The following FAXC variants were observed in gnomAD, a reference collection of about 807,000 sequenced individuals.
FAXC encodes failed axon connections homolog, metaxin like GST domain containing, also known as failed axon connections homolog.
A neutral mutation model predicts 41.9 loss-of-function variants in FAXC; 10 were observed. That is an observed-to-expected ratio of 0.24 (90% CI 0.15 to 0.41). The LOEUF is 0.41. Ranked by LOEUF, FAXC falls within the 10% of genes least tolerant of loss-of-function variation. FAXC has a pLI of 1.00. For missense variants in FAXC, 399 were observed against 510.9 expected, an observed-to-expected ratio of 0.78 and a Z score of 2.11; for synonymous variants, 183 against 183.8, an observed-to-expected ratio of 1.00 and a Z score of 0.03.
intron 5 of FAXC, among the ~76,000 whole-genome samples, chr6:99,283,767 A>C (rs1481306869): frequency 2.6e-5 from 4 of 152,276 alleles, no homozygotes; most frequent in Non-Finnish European, 5.9e-5. Context: ...AAAAATATCT[A>C]ATTGGGGAGG....
At chr6:99,335,782 A>G (rs975873532) in intron 2 of FAXC, among the ~76,000 whole-genome samples, 15 of 152,152 alleles carry the variant, frequency 9.9e-5, no homozygotes, top group African/African-American at 3.4e-4. Flanking sequence ...CCAATTATCT[A>G]TTTCTAACAA....
intron 1 of FAXC, 78 bp downstream of exon 1, chr6:99,349,029 G>C: frequency 2.2e-6 from 3 of 1,394,156 alleles, no homozygotes; most frequent in Non-Finnish European, 3.0e-6. Flanking sequence ...GGGCTGGCAC[G>C]GGCCCCTCTC....
At chr6:99,310,425 G>A (rs774513381) in intron 4 of FAXC, among the ~76,000 whole-genome samples, 1 of 152,268 alleles carries the variant, frequency 6.6e-6, no homozygotes, top group Non-Finnish European at 1.5e-5. Context: ...CCCTTTCCCA[G>A]AGGCTGAATT....
At chr6:99,282,545 G>A (rs772571321) in intron 5 of FAXC, among the ~76,000 whole-genome samples, 3 of 152,152 alleles carry the variant, frequency 2.0e-5, no homozygotes, top group Non-Finnish European at 4.4e-5. Context: ...AAGAACTCTT[G>A]TGTTAAGTCA....
chr6:99,319,273 C>A (rs2049199462), intron 4 of FAXC, among the ~76,000 whole-genome samples: 1 of 152,192 alleles, frequency 6.6e-6, no homozygotes, highest in Admixed American at 6.5e-5. Flanking sequence ...GTGGCGGGCG[C>A]CTGTAGTCCC....
intron 4 of FAXC, among the ~76,000 whole-genome samples, chr6:99,293,008 T>C (rs903891272): frequency 6.6e-6 from 1 of 152,204 alleles, no homozygotes; most frequent in African/African-American, 2.4e-5. Context: ...GGTTTCGCCA[T>C]GTTGGCCATG....
intron 4 of FAXC, among the ~76,000 whole-genome samples, chr6:99,294,739 A>C (rs1472011514): frequency 2.6e-5 from 4 of 152,238 alleles, no homozygotes; most frequent in African/African-American, 9.6e-5. Flanking sequence ...CCAAAGACTG[A>C]AGGCAAAATG....
intron 5 of FAXC, among the ~76,000 whole-genome samples, chr6:99,284,499 A>T (rs780489922): frequency 8.5e-5 from 13 of 152,048 alleles, no homozygotes; most frequent in Non-Finnish European, 1.6e-4. Context: ...GAGCCACTTA[A>T]CATGCTACTG....
chr6:99,329,586 T>C (rs1236050204), intron 3 of FAXC, among the ~76,000 whole-genome samples: 1 of 152,154 alleles, frequency 6.6e-6, no homozygotes, highest in Non-Finnish European at 1.5e-5. Context: ...TTCTGTAGTT[T>C]CACCAAGTTT....
At chr6:99,309,064 T>C (rs1772050567) in intron 4 of FAXC, among the ~76,000 whole-genome samples, 1 of 152,146 alleles carries the variant, frequency 6.6e-6, no homozygotes, top group Non-Finnish European at 1.5e-5. Context: ...AGAGCTTCCA[T>C]AGCTGGCAAC....
chr6:99,347,908 A>T (rs1773657370), intron 1 of FAXC, among the ~76,000 whole-genome samples: 2 of 152,242 alleles, frequency 1.3e-5, no homozygotes, highest in Admixed American at 1.3e-4. Context: ...AGAGAATTAA[A>T]TGTGCAACAA....
chr6:99,286,769 T>C (rs1326166117), intron 5 of FAXC, among the ~76,000 whole-genome samples: 2 of 152,178 alleles, frequency 1.3e-5, no homozygotes, highest in East Asian at 3.8e-4. Context: ...CTGATGAAAA[T>C]ATCAAATCTA....
chr6:99,314,710 C>A (rs1772273276), intron 4 of FAXC, among the ~76,000 whole-genome samples: 1 of 152,208 alleles, frequency 6.6e-6, no homozygotes, highest in Non-Finnish European at 1.5e-5. Flanking sequence ...AGACTGTGAG[C>A]TCAGCCCCTG....
chr6:99,328,329 T>A lies in FAXC; in HGVS notation c.600-4662A>T, dbSNP rs1772895345. On this transcript the variant is annotated intron_variant, in intron 3 of 5. Coordinates refer to ENST00000389677, the MANE Select transcript of FAXC (RefSeq NM_032511.4). Reference sequence around the variant, plus strand: ...GCAGAGCCCTCATAAATGGGATGAGTGCCCTTATAAAAGAGACCCCAGAGA... The same window carrying A: ...GCAGAGCCCTCATAAATGGGATGAGAGCCCTTATAAAAGAGACCCCAGAGA... Among the ~76,000 whole-genome samples, 2 of 152,272 alleles carry A rather than the reference T, an allele frequency of 1.3e-5. 1 individual carries two copies. The highest frequency in any genetic ancestry group is 6.8e-3 in the Middle Eastern group (2 of 294).
chr6:99,338,888 T>C (rs917042371), intron 2 of FAXC, among the ~76,000 whole-genome samples: 6 of 152,194 alleles, frequency 3.9e-5, no homozygotes, highest in African/African-American at 1.4e-4. Context: ...GTTATAAAGA[T>C]TCCCTTTCTA....
intron 4 of FAXC, among the ~76,000 whole-genome samples, chr6:99,305,516 C>T (rs1771885176): frequency 6.6e-6 from 1 of 152,006 alleles, no homozygotes; most frequent in African/African-American, 2.4e-5. Flanking sequence ...CATTTACAAA[C>T]CAGGCATAAT....
intron 2 of FAXC, among the ~76,000 whole-genome samples, chr6:99,335,232 G>A (rs1247686255): frequency 1.3e-5 from 2 of 152,118 alleles, no homozygotes; most frequent in Non-Finnish European, 2.9e-5. Flanking sequence ...TAAAATAGTA[G>A]TAATAAAAAT....
rs1770643339 is a variant in FAXC at position 99,276,780 on chromosome 6, C to T, written c.*4384G>A. The T allele has an allele frequency of 6.6e-6, 1 of 152,132 alleles. No homozygotes were observed. The highest frequency in any genetic ancestry group is 1.5e-5 in the Non-Finnish European group (1 of 68,016). The allele number at this position is 152,132 out of a possible 1,614,324, so 9.4% of individuals were successfully genotyped here. A position where few individuals can be genotyped will look rare whatever the true frequency, so the allele number is the denominator to read the frequency against. On this transcript the variant is annotated 3_prime_UTR_variant, in exon 6 of 6. Transcript: ENST00000389677. Reference sequence around the variant, plus strand: ...CTAAATTTCCTGAATTTATATGTAACATTTTATGTATTTGCATATATGTGT... The same window carrying T: ...CTAAATTTCCTGAATTTATATGTAATATTTTATGTATTTGCATATATGTGT...
At chr6:99,320,962 G>A (rs1772567540) in intron 4 of FAXC, among the ~76,000 whole-genome samples, 1 of 152,196 alleles carries the variant, frequency 6.6e-6, no homozygotes, top group Admixed American at 6.5e-5. Flanking sequence ...TCTGTGAAGA[G>A]TCAGATGGTG....
Sources: allele counts gnomAD v4.1 joint callset (sites outside exome capture counted in the v4.1 genomes callset), GRCh38; gene constraint gnomAD v4.1.1; transcripts MANE v1.5; gene names NCBI Gene and HGNC (gene_info 2026-07-23, HGNC 2026-07-21).